The following ATP2B2 variants were observed in gnomAD, a reference collection of about 807,000 sequenced individuals.
ATP2B2 encodes the protein plasma membrane calcium-transporting ATPase 2.
ATP2B2 carries 15 observed loss-of-function variants against 120.0 expected under a neutral mutation model. That is an observed-to-expected ratio of 0.12 (90% CI 0.08 to 0.19). ATP2B2 has a LOEUF of 0.19. Ranked by LOEUF, ATP2B2 falls within the 10% of genes least tolerant of loss-of-function variation. The pLI, the probability that ATP2B2 is intolerant of heterozygous loss-of-function variation, is 1.00. For missense variants in ATP2B2, 1,045 were observed against 1,719.8 expected, an observed-to-expected ratio of 0.61 and a Z score of 6.94; for synonymous variants, 694 against 700.3, an observed-to-expected ratio of 0.99 and a Z score of 0.14.
chr3:10,527,080 C>T (rs925921840), intron 3 of ATP2B2, among the ~76,000 whole-genome samples: 1 of 152,182 alleles, frequency 6.6e-6, no homozygotes, highest in Non-Finnish European at 1.5e-5. Flanking sequence ...GATTCAAACT[C>T]CAATCTGTCT....
At position 10,330,665 on chromosome 3, in the gene ATP2B2, C is replaced by T. The variant is rs1274789130; in HGVS notation, c.3421-1540G>A. Among the ~76,000 whole-genome samples, 6 of 152,296 alleles carry T rather than the reference C, an allele frequency of 3.9e-5. No homozygotes were observed. In the East Asian group the frequency reaches 7.7e-4, roughly 20 times the overall value. ...GCCTGCGGGGAGGCAGGGGACTGGACGAGACGGTCGTGGGGAGGCCCCTGA... is the reference window on the plus strand; with the variant it reads ...GCCTGCGGGGAGGCAGGGGACTGGATGAGACGGTCGTGGGGAGGCCCCTGA... On this transcript the variant is annotated intron_variant, in intron 22 of 22. Coordinates refer to ENST00000360273, the MANE Select transcript of ATP2B2 (RefSeq NM_001001331.4).
chr3:10,623,432 C>G (rs2069606550), intron 1 of ATP2B2, among the ~76,000 whole-genome samples: 1 of 152,088 alleles, frequency 6.6e-6, no homozygotes, highest in Non-Finnish European at 1.5e-5. Context: ...GGTTTATAAA[C>G]TAGTGAGGAT....
At chr3:10,600,286 A>G (rs1298033889) in intron 2 of ATP2B2, among the ~76,000 whole-genome samples, 1 of 152,214 alleles carries the variant, frequency 6.6e-6, no homozygotes, top group Non-Finnish European at 1.5e-5. Flanking sequence ...GGCACCTTAC[A>G]GAGTGGATTC....
chr3:10,560,123 TG>T (rs2067870109), intron 2 of ATP2B2, among the ~76,000 whole-genome samples: 1 of 152,162 alleles, frequency 6.6e-6, no homozygotes, highest in South Asian at 2.1e-4. Context: ...GTAGAAACTC[TG>T]GGGATAATGA....
At chr3:10,385,244 A>G in intron 8 of ATP2B2, 24 bp downstream of exon 8, 3 of 1,613,366 alleles carry the variant, frequency 1.9e-6, no homozygotes, top group South Asian at 2.2e-5. Flanking sequence ...AACCATGACC[A>G]GGAGCTCGCC....
chr3:10,580,524 G>A (rs1022581473), intron 2 of ATP2B2, among the ~76,000 whole-genome samples: 2 of 152,126 alleles, frequency 1.3e-5, no homozygotes, highest in African/African-American at 2.4e-5. Context: ...GACACCTCCG[G>A]CCCTTCCCAC....
intron 14 of ATP2B2, among the ~76,000 whole-genome samples, chr3:10,356,697 G>A (rs1443227003): frequency 6.6e-6 from 1 of 152,212 alleles, no homozygotes; most frequent in African/African-American, 2.4e-5. Context: ...AGGCAGGCCA[G>A]CCTCAAGTGC....
intron 5 of ATP2B2, among the ~76,000 whole-genome samples, chr3:10,395,311 A>G (rs897221526): frequency 1.3e-5 from 2 of 152,224 alleles, no homozygotes; most frequent in African/African-American, 4.8e-5. Flanking sequence ...AGGACCCCAC[A>G]TGGATCCTGG....
At chr3:10,653,498 G>A (rs1027411440) in intron 1 of ATP2B2, among the ~76,000 whole-genome samples, 1 of 152,278 alleles carries the variant, frequency 6.6e-6, no homozygotes, top group South Asian at 2.1e-4. Flanking sequence ...CCTCAAGGGG[G>A]AATTGATCCA....
intron 1 of ATP2B2, among the ~76,000 whole-genome samples, chr3:10,707,539 A>C (rs141668817): frequency 9.8e-5 from 15 of 152,326 alleles, no homozygotes; most frequent in Middle Eastern, 3.4e-3. Flanking sequence ...AGTCGGAGCC[A>C]TCTGGGAAGA....
intron 1 of ATP2B2, among the ~76,000 whole-genome samples, chr3:10,620,994 G>T (rs917710701): frequency 6.6e-6 from 1 of 152,186 alleles, no homozygotes; most frequent in African/African-American, 2.4e-5. Context: ...GTCCTGAGAA[G>T]TGTCTGAAGG....
intron 2 of ATP2B2, among the ~76,000 whole-genome samples, chr3:10,551,756 G>A (rs1211314592): frequency 6.6e-6 from 1 of 152,098 alleles, no homozygotes; most frequent in East Asian, 1.9e-4. Context: ...AAGCTACCTT[G>A]GTCTGCCAGT....
intron 2 of ATP2B2, among the ~76,000 whole-genome samples, chr3:10,419,928 A>C (rs911624392): frequency 6.6e-6 from 1 of 152,200 alleles, no homozygotes; most frequent in African/African-American, 2.4e-5. Flanking sequence ...TGCTCAGGAA[A>C]TTTCAGATAA....
At chr3:10,407,956 C>T (rs925034666) in intron 3 of ATP2B2, among the ~76,000 whole-genome samples, 2 of 152,222 alleles carry the variant, frequency 1.3e-5, no homozygotes, top group Non-Finnish European at 2.9e-5. Context: ...GCCAGACAGG[C>T]AGATCCAGGC....
At chr3:10,569,087 G>A (rs1440311122) in intron 2 of ATP2B2, among the ~76,000 whole-genome samples, 1 of 152,172 alleles carries the variant, frequency 6.6e-6, no homozygotes, top group African/African-American at 2.4e-5. Flanking sequence ...AGGAAACTGA[G>A]GAGGGGTGAC....
intron 1 of ATP2B2, among the ~76,000 whole-genome samples, chr3:10,462,261 C>T (rs982547768): frequency 3.9e-5 from 6 of 152,184 alleles, no homozygotes; most frequent in Non-Finnish European, 8.8e-5. Context: ...TTTTGTGACC[C>T]TTGTGTTACT....
At chr3:10,699,834 C>T (rs1052137964) in intron 1 of ATP2B2, among the ~76,000 whole-genome samples, 4 of 152,172 alleles carry the variant, frequency 2.6e-5, no homozygotes, top group East Asian at 1.9e-4. Flanking sequence ...CTGTCCTTCA[C>T]GCTTGCCTTT....
intron 18 of ATP2B2, among the ~76,000 whole-genome samples, chr3:10,344,726 CTG>C (rs1212407604): frequency 6.6e-6 from 1 of 152,190 alleles, no homozygotes; most frequent in Non-Finnish European, 1.5e-5. Context: ...GTTTCTGCCT[CTG>C]TAAAATGAGG....
chr3:10,661,875 C>G lies in ATP2B2; in HGVS notation c.-459-41914G>C, dbSNP rs139115864. Among the ~76,000 whole-genome samples, 9 of 152,308 alleles carry G rather than the reference C, an allele frequency of 5.9e-5. No homozygotes were observed. In the East Asian group the frequency reaches 1.2e-3, roughly 20 times the overall value. ...TACTACAAGGCTACAGTAACCAAAA[C>G]AGCATAGTACTGGTACCAAAAGAGA... On this transcript the variant is annotated intron_variant, in intron 1 of 21. Coordinates refer to the ATP2B2 transcript ENST00000646379.
Sources: allele counts gnomAD v4.1 joint callset (sites outside exome capture counted in the v4.1 genomes callset), GRCh38; gene constraint gnomAD v4.1.1; transcripts MANE v1.5; gene names NCBI Gene and HGNC (gene_info 2026-07-23, HGNC 2026-07-21).